The following MAP4K3 variants were observed in gnomAD, a reference collection of about 807,000 sequenced individuals.
MAP4K3 encodes the protein mitogen-activated protein kinase kinase kinase kinase 3, also known as MAPK/ERK kinase kinase kinase 3.
A neutral mutation model predicts 143.5 loss-of-function variants in MAP4K3; 94 were observed. The ratio of observed to expected loss-of-function variants is 0.65; its 90% CI spans 0.55 to 0.78. The LOEUF is 0.78. Among genes scored for constraint, MAP4K3 ranks in the 30% least tolerant of loss-of-function variants. MAP4K3 has a pLI of 0.00. For missense variants in MAP4K3, 1,077 were observed against 1,068.1 expected, an observed-to-expected ratio of 1.01 and a Z score of -0.12; for synonymous variants, 416 against 347.2, an observed-to-expected ratio of 1.20 and a Z score of -2.20.
intron 1 of MAP4K3, among the ~76,000 whole-genome samples, chr2:39,409,876 A>G (rs916974668): frequency 3.3e-5 from 5 of 152,220 alleles, no homozygotes; most frequent in African/African-American, 1.2e-4. Context: ...ATAAAGGACA[A>G]TGTGGTTAAG....
At chr2:39,316,833 G>A (rs1683127829) in intron 12 of MAP4K3, among the ~76,000 whole-genome samples, 1 of 151,948 alleles carries the variant, frequency 6.6e-6, no homozygotes, top group Non-Finnish European at 1.5e-5. Flanking sequence ...CTAAGAAAAA[G>A]GATATCCTTT....
intron 3 of MAP4K3, among the ~76,000 whole-genome samples, chr2:39,350,632 T>A (rs2148544564): frequency 6.6e-6 from 1 of 152,314 alleles, no homozygotes; most frequent in Non-Finnish European, 1.5e-5. Flanking sequence ...TTCCCAGTTT[T>A]ATATAACTCA....
intron 1 of MAP4K3, among the ~76,000 whole-genome samples, chr2:39,384,060 G>A (rs1046123078): frequency 2.0e-5 from 3 of 151,158 alleles, no homozygotes; most frequent in African/African-American, 7.3e-5. Context: ...GCTGCAGTGA[G>A]CTATGATCAC....
At chr2:39,392,353 T>G (rs1425186142) in intron 1 of MAP4K3, among the ~76,000 whole-genome samples, 1 of 152,152 alleles carries the variant, frequency 6.6e-6, no homozygotes. Context: ...CATTGTATGT[T>G]TATTAAGCGT....
chr2:39,373,812 G>A (rs914412198), intron 2 of MAP4K3, among the ~76,000 whole-genome samples: 1 of 152,098 alleles, frequency 6.6e-6, no homozygotes, highest in Non-Finnish European at 1.5e-5. Context: ...GCTTGGTGGG[G>A]GGGTAGAAGG....
intron 3 of MAP4K3, among the ~76,000 whole-genome samples, chr2:39,350,525 T>C (rs1665424056): frequency 6.6e-6 from 1 of 152,208 alleles, no homozygotes. Flanking sequence ...TTTATTCTCA[T>C]ATTCTAAGTA....
chr2:39,277,891 C>T (rs913303373), intron 24 of MAP4K3, among the ~76,000 whole-genome samples: 8 of 151,180 alleles, frequency 5.3e-5, no homozygotes, highest in African/African-American at 9.7e-5. Context: ...GAATAAAAGA[C>T]GCTGGGGTGG....
intron 18 of MAP4K3, among the ~76,000 whole-genome samples, chr2:39,292,567 T>C (rs1573105819): frequency 1.3e-5 from 2 of 152,186 alleles, no homozygotes; most frequent in East Asian, 3.8e-4. Context: ...CTGTGAGAAA[T>C]AAATTTCTGT....
At chr2:39,416,174 G>A (rs527587423) in intron 1 of MAP4K3, among the ~76,000 whole-genome samples, 2 of 151,298 alleles carry the variant, frequency 1.3e-5, no homozygotes, top group African/African-American at 4.9e-5. Flanking sequence ...CAGATGCTGG[G>A]AGGGTGGAGT....
chr2:39,433,431 G>C (rs904287264), intron 1 of MAP4K3, among the ~76,000 whole-genome samples: 2 of 152,128 alleles, frequency 1.3e-5, no homozygotes, highest in African/African-American at 4.8e-5. Flanking sequence ...GACTTAAAGG[G>C]TAGGAATAAT....
At chr2:39,362,612 T>C (rs542553745) in intron 2 of MAP4K3, among the ~76,000 whole-genome samples, 3 of 152,318 alleles carry the variant, frequency 2.0e-5, no homozygotes, top group South Asian at 4.1e-4. Context: ...TGTTAAAATG[T>C]TCGTACTACC....
In MAP4K3 at chr2:39,260,826, A is replaced by G. The variant is rs561843295; in HGVS notation, c.2137-49T>C. The G allele has an allele frequency of 3.0e-5, 39 of 1,312,356 alleles. No individual in the cohort carries two copies. In the South Asian group the frequency reaches 4.6e-4, roughly 16 times the overall value. The allele number at this position is 1,312,356 out of a possible 1,614,324, so 81.3% of individuals were successfully genotyped here. A position where few individuals can be genotyped will look rare whatever the true frequency, so the allele number is the denominator to read the frequency against. On this transcript the variant is annotated intron_variant, in intron 28 of 33. Transcript: ENST00000263881. ...TTAAACCAAGGAAAATAAAAACCGA[A>G]TAATTCTATGAGAATACTATAAAAC... is the stretch of plus-strand genomic sequence containing the variant.
At chr2:39,388,458 T>C (rs1453463537) in intron 1 of MAP4K3, among the ~76,000 whole-genome samples, 1 of 152,210 alleles carries the variant, frequency 6.6e-6, no homozygotes, top group Non-Finnish European at 1.5e-5. Context: ...ATTTACTGAA[T>C]AAAATCAGAG....
chr2:39,395,595 T>A (rs1234594256), intron 1 of MAP4K3, among the ~76,000 whole-genome samples: 2 of 152,242 alleles, frequency 1.3e-5, no homozygotes, highest in African/African-American at 2.4e-5. Flanking sequence ...TCTTTTGGGA[T>A]GAATGTAATT....
intron 22 of MAP4K3, among the ~76,000 whole-genome samples, chr2:39,281,573 A>G (rs554194288): frequency 4.3e-4 from 65 of 152,200 alleles, no homozygotes; most frequent in Admixed American, 8.5e-4. Context: ...ACGAAGAACA[A>G]AACAATCAAG....
At chr2:39,302,584 T>A (rs1682552753) in intron 15 of MAP4K3, among the ~76,000 whole-genome samples, 1 of 152,320 alleles carries the variant, frequency 6.6e-6, no homozygotes. Context: ...TGGAAGTTAT[T>A]CCATATCAGA....
intron 26 of MAP4K3, 118 bp downstream of exon 26, chr2:39,272,165 T>C (rs1460540531): frequency 2.7e-6 from 2 of 737,804 alleles, no homozygotes; most frequent in South Asian, 1.9e-5. Context: ...ATATTACTTA[T>C]TATTTTTTCA....
rs1300897706 is a variant in MAP4K3 at position 39,274,221 on chromosome 2, C to CT, written c.1795-1680dup. Among the ~76,000 whole-genome samples, 88 of 148,584 alleles carry CT rather than the reference C, an allele frequency of 5.9e-4. 1 individual carries two copies. Among genetic ancestry groups the CT allele is most frequent in the African/African-American group, 2.0e-3 (81 of 40,338 alleles). ...TTCATTTTGAATTTTCTTTCTCTCTCTTTTTTTTTTTTTGAGATGGAGTCT... is the reference window on the plus strand; with the variant it reads ...TTCATTTTGAATTTTCTTTCTCTCTCTTTTTTTTTTTTTTGAGATGGAGTCT... On this transcript the variant is annotated intron_variant, in intron 24 of 33. Coordinates refer to ENST00000263881, the MANE Select transcript of MAP4K3 (RefSeq NM_003618.4).
chr2:39,390,459 G>T (rs890090297), intron 1 of MAP4K3, among the ~76,000 whole-genome samples: 2 of 152,140 alleles, frequency 1.3e-5, no homozygotes, highest in African/African-American at 4.8e-5. Context: ...TGAGCCCCAG[G>T]AACCTATGGT....
Sources: allele counts gnomAD v4.1 joint callset (sites outside exome capture counted in the v4.1 genomes callset), GRCh38; gene constraint gnomAD v4.1.1; transcripts MANE v1.5; gene names NCBI Gene and HGNC (gene_info 2026-07-23, HGNC 2026-07-21).